GON4L: variants seen among roughly 807,000 people sequenced by gnomAD.
GON4L encodes GON-4-like protein.
Under a neutral mutation model 211.8 loss-of-function variants are expected in GON4L, and 87 were observed. The ratio of observed to expected loss-of-function variants is 0.41; its 90% CI spans 0.35 to 0.49. The LOEUF is 0.49. GON4L is among the 20% of genes least tolerant of loss of function. The pLI is 0.15. For missense variants in GON4L, 2,155 were observed against 2,659.5 expected (o/e 0.81, Z 4.17); for synonymous variants, 875 against 962.6 (o/e 0.91, Z 1.68).
chr1:155,787,542 G>C, intron 12 of GON4L, among the ~76,000 whole-genome samples: 1 of 152,172 alleles, frequency 6.6e-6, no homozygotes, highest in East Asian at 1.9e-4. Flanking sequence ...GGAGGCCGAG[G>C]CAGGCAGATC....
intron 19 of GON4L, among the ~76,000 whole-genome samples, chr1:155,768,347 C>T (rs1662783049): frequency 6.7e-6 from 1 of 148,372 alleles, no homozygotes; most frequent in Non-Finnish European, 1.5e-5. Context: ...CGCAGTGGCT[C>T]ACCTTGTAAT....
chr1:155,813,646 C>G lies in GON4L; in HGVS notation c.1440G>C (p.Met480Ile). The G allele has an allele frequency of 6.2e-7, 1 of 1,610,818 alleles. No homozygotes were observed. Among genetic ancestry groups the G allele is most frequent in the Middle Eastern group, 1.7e-4 (1 of 6,052 alleles). The change falls in exon 10 of 32, where the codon ATG becomes ATC. Residue 480 changes from methionine (M) to isoleucine (I), a missense_variant. Coordinates refer to ENST00000368331, the MANE Select transcript of GON4L (RefSeq NM_001282860.2). ...TTTTAATATTTACCTGGAAAGAATC[C>G]ATGCAGACTGGACTGGAAGCCAGCT... ...DEELASSPVC[M>I]DSFQPMDDSL...
intron 2 of GON4L, among the ~76,000 whole-genome samples, chr1:155,844,819 CT>C (rs1258035715): frequency 6.6e-6 from 1 of 152,132 alleles, no homozygotes; most frequent in African/African-American, 2.4e-5. Flanking sequence ...GGTTTCTACT[CT>C]TTTTAGGACC....
chr1:155,791,872 A>AATAACATAACATAACATAAC (rs200057412), intron 12 of GON4L, among the ~76,000 whole-genome samples: 2 of 119,194 alleles, frequency 1.7e-5, no homozygotes, highest in African/African-American at 6.0e-5. Flanking sequence ...CCATCTCAAA[A>AATAACATAACATAACATAAC]ATAACATAAC....
At chr1:155,748,576 C>G (rs143935199), downstream of GON4L, 6 of 1,613,314 alleles carry the variant, frequency 3.7e-6, no homozygotes, top group South Asian at 4.4e-5. Context: ...AGAAAATGTC[C>G]TATAACGTGT....
intron 10 of GON4L, among the ~76,000 whole-genome samples, chr1:155,810,017 A>T (rs1395613740): frequency 4.0e-4 from 55 of 138,700 alleles, no homozygotes; most frequent in Non-Finnish European, 5.0e-4. Context: ...TATTTTTGAA[A>T]TGTAGTCTTG....
chr1:155,750,795 T>A, intron 31 of GON4L, 62 bp from the exon 32 acceptor site: 1 of 1,465,246 alleles, frequency 6.8e-7, no homozygotes, highest in Non-Finnish European at 9.4e-7. Context: ...ACGGAGTCTC[T>A]CTCTGTTGCT....
At position 155,758,003 on chromosome 1, in the gene GON4L, C is replaced by T. The variant is rs1661369681; in HGVS notation, c.5141G>A (p.Arg1714His). The change falls in exon 25 of 32, where the codon CGC becomes CAC. Residue 1714 changes from arginine to histidine, a missense_variant. Physicochemically the swap from Arg to His is conservative, Grantham distance 29. Around this residue, in one of 6 missense-constraint regions of GON4L, gnomAD observed 455 missense variants for 504.6 expected, o/e 0.90. Coordinates refer to ENST00000368331, the MANE Select transcript of GON4L (RefSeq NM_001282860.2). ...AATCTCCAGCTGCCGAAGGAACTTG[C>T]GGCTCTTCTCAAAAGCCTGCTGCTC... ...FEEQQAFEKS[R>H]KFLRQLEICF... 2.2e-6 allele frequency: 1 copy of T among 450,306 alleles called. No homozygotes were observed. The highest frequency in any genetic ancestry group is 2.4e-5 in the South Asian group (1 of 41,698). 27.9% of individuals were successfully genotyped at this position (450,306 alleles called of 1,614,324 possible).
chr1:155,780,853 A>G (rs1235876189), intron 14 of GON4L, among the ~76,000 whole-genome samples: 1 of 152,178 alleles, frequency 6.6e-6, no homozygotes, highest in Non-Finnish European at 1.5e-5. Flanking sequence ...GTAATCTCCA[A>G]TATTACAGCA....
At chr1:155,848,105 G>A (rs1385260391) in intron 2 of GON4L, among the ~76,000 whole-genome samples, 7 of 152,076 alleles carry the variant, frequency 4.6e-5, no homozygotes, top group Non-Finnish European at 1.0e-4. Flanking sequence ...ATTCACAAGG[G>A]CTGCTGCTAT....
At chr1:155,771,341 AC>A in intron 18 of GON4L, 124 bp from the exon 19 acceptor site, 1 of 1,345,154 alleles carries the variant, frequency 7.4e-7, no homozygotes, top group Non-Finnish European at 1.0e-6. Context: ...TCACGCTGTC[AC>A]CCAGGCTGGA....
chr1:155,850,893 C>CAAAA (rs1054559671), intron 2 of GON4L, among the ~76,000 whole-genome samples: 1 of 127,922 alleles, frequency 7.8e-6, no homozygotes, highest in African/African-American at 2.9e-5. Flanking sequence ...AACTAAAATA[C>CAAAA]AAAAAAAAAA....
Position 155,750,374 on chromosome 1 carries a change from G to A in GON4L, c.*210C>T. 1.5e-6 allele frequency: 1 copy of A among 647,610 alleles called. No homozygotes were observed. The highest frequency in any genetic ancestry group is 2.9e-5 in the Admixed American group (1 of 34,528). 40.1% of individuals were successfully genotyped at this position (647,610 alleles called of 1,614,324 possible). A position where few individuals can be genotyped will look rare whatever the true frequency, so the allele number is the denominator to read the frequency against. On this transcript the variant is annotated 3_prime_UTR_variant, in exon 32 of 32. Transcript: ENST00000368331. ...TCGATGCTATTTACAGAGGACATCT[G>A]TAAAGTCTTCATAAAAGACCTTGAA...
intron 2 of GON4L, among the ~76,000 whole-genome samples, chr1:155,837,661 C>A (rs1391944419): frequency 2.0e-5 from 3 of 151,980 alleles, no homozygotes; most frequent in Non-Finnish European, 4.4e-5. Flanking sequence ...GGGAAAGGTA[C>A]CCCTCATCCC....
At position 155,766,355 on chromosome 1, in the gene GON4L, G is replaced by A; in HGVS notation, c.3118C>T (p.Pro1040Ser). 1 of 1,614,116 alleles carries A rather than the reference G, an allele frequency of 6.2e-7. No individual in the cohort carries two copies. Among genetic ancestry groups the A allele is most frequent in the Non-Finnish European group, 8.5e-7 (1 of 1,180,026 alleles). The change falls in exon 21 of 32, where the codon CCT (proline) becomes TCT (serine). Residue 1040 changes from proline to serine, a missense_variant. Transcript: ENST00000368331. ...ACAGTGGCTGGCTGTATTGGGTGAG[G>A]AATCCGGAGCACCATTTTGCTCGGA... The part of the protein sequence containing the change: ...APPSKMVLRI[P>S]HPIQPATVLQ...
Position 155,749,825 on chromosome 1 carries a change from A to C in GON4L, c.*759T>G. The C allele has an allele frequency of 3.4e-6, 5 of 1,475,426 alleles. No individual in the cohort carries two copies. The highest frequency in any genetic ancestry group is 4.6e-6 in the Non-Finnish European group (5 of 1,095,694). 91.4% of individuals were successfully genotyped at this position (1,475,426 alleles called of 1,614,324 possible). ...AATACACCAAATTTGTTGAGTTTAC[A>C]ATCAAGTCTACTAAGGTTGGACTTC... On this transcript the variant is annotated 3_prime_UTR_variant, in exon 32 of 32. Transcript: ENST00000368331.
intron 20 of GON4L, chr1:155,767,049 CAA>C: frequency 1.8e-6 from 1 of 569,870 alleles, no homozygotes; most frequent in Non-Finnish European, 3.0e-6. Context: ...AAAAACAAAA[CAA>C]AACAACAACA....
intron 11 of GON4L, among the ~76,000 whole-genome samples, chr1:155,803,378 G>A (rs1344319039): frequency 6.6e-6 from 1 of 151,886 alleles, no homozygotes; most frequent in Non-Finnish European, 1.5e-5. Flanking sequence ...CTGAGTAGCT[G>A]GGACTACAGG....
chr1:155,818,581 C>A (rs545218102), intron 6 of GON4L, among the ~76,000 whole-genome samples: 1 of 152,054 alleles, frequency 6.6e-6, no homozygotes, highest in Non-Finnish European at 1.5e-5. Flanking sequence ...GATGTGATTG[C>A]CAAAAACAAA....
Sources: gnomAD v4.1 joint callset for allele counts (sites outside exome capture counted in the v4.1 genomes callset) on GRCh38, gnomAD v4.1.1 for gene constraint, gnomAD v4.1.1 regional missense constraint, MANE v1.5 for transcripts, NCBI Gene and HGNC (gene_info 2026-07-23, HGNC 2026-07-21) for gene names.